EEFSEC: variants seen among roughly 807,000 people sequenced by gnomAD.
The protein encoded by EEFSEC is eukaryotic elongation factor, selenocysteine-tRNA specific.
EEFSEC carries 43 observed loss-of-function variants against 42.1 expected under a neutral mutation model. The ratio of observed to expected loss-of-function variants is 1.02; its 90% CI spans 0.80 to 1.32. The LOEUF (loss-of-function observed/expected upper bound fraction) is 1.32. EEFSEC is among the 40% of genes most tolerant of loss of function. The probability of loss-of-function intolerance (pLI) is 0.00; values close to 1 mark genes in which losing one functional copy is unlikely to be tolerated. For synonymous variants in EEFSEC, 354 were observed against 339.1 expected (o/e 1.04, Z -0.48); for missense variants, 745 against 803.6 (o/e 0.93, Z 0.88).
chr3:128,425,309 G>A, the EEFSEC span, among the ~76,000 whole-genome samples: 1 of 152,202 alleles, frequency 6.6e-6, no homozygotes, highest in Non-Finnish European at 1.5e-5. Context: ...TCCTGGCCTT[G>A]GGATTCATGC....
rs543259351 is a variant in EEFSEC at position 128,197,635 on chromosome 3, TC to T, written c.316+43815del. Among the ~76,000 whole-genome samples the T allele has an allele frequency of 3.3e-4, 50 of 152,254 alleles. No homozygotes were observed. The East Asian group carries it at 9.3e-3, about 28-fold the overall frequency. On this transcript the variant is annotated intron_variant, in intron 1 of 6. Coordinates refer to ENST00000254730, the MANE Select transcript of EEFSEC (RefSeq NM_021937.5). ...CTCAGAAGGCTGTACCAATCTACAC[TC>T]CCACCATTAACGGTACGAGAAGACC...
At chr3:128,379,823 GT>G (rs2067753035) in intron 6 of EEFSEC, among the ~76,000 whole-genome samples, 1 of 152,248 alleles carries the variant, frequency 6.6e-6, no homozygotes, top group South Asian at 2.1e-4. Flanking sequence ...CCCAGATGAG[GT>G]TGGGTCCCGT....
intron 1 of EEFSEC, among the ~76,000 whole-genome samples, chr3:128,184,580 A>G (rs1559859033): frequency 6.6e-6 from 1 of 152,200 alleles, no homozygotes; most frequent in South Asian, 2.1e-4. Flanking sequence ...GTATGTAAGT[A>G]TCTATCAGTA....
intron 6 of EEFSEC, among the ~76,000 whole-genome samples, chr3:128,389,783 G>A (rs2067886039): frequency 6.6e-6 from 1 of 152,248 alleles, no homozygotes; most frequent in Non-Finnish European, 1.5e-5. Flanking sequence ...AGAGTGATGT[G>A]GTGTGGACTG....
intron 4 of EEFSEC, 37 bp downstream of exon 4, chr3:128,264,818 C>A: frequency 6.3e-7 from 1 of 1,595,228 alleles, no homozygotes; most frequent in Non-Finnish European, 8.6e-7. Context: ...GGCCTCCTCG[C>A]TGGCAGCAAG....
chr3:128,318,977 C>G (rs2066978607), intron 4 of EEFSEC, among the ~76,000 whole-genome samples: 1 of 152,226 alleles, frequency 6.6e-6, no homozygotes, highest in African/African-American at 2.4e-5. Flanking sequence ...TGCCGGTGTT[C>G]AAGTCCTGGA....
intron 4 of EEFSEC, among the ~76,000 whole-genome samples, chr3:128,305,494 T>C (rs1365653547): frequency 6.6e-6 from 1 of 152,224 alleles, no homozygotes; most frequent in East Asian, 1.9e-4. Flanking sequence ...CTGAATTTGA[T>C]ACTTTTTGGG....
Position 128,175,127 on chromosome 3 carries a change from C to T in EEFSEC, c.316+21304C>T, listed in dbSNP as rs1261679942. Among the ~76,000 whole-genome samples the T allele has an allele frequency of 6.6e-5, 10 of 151,892 alleles. No homozygotes were observed. The East Asian group carries it at 1.9e-3, about 29-fold the overall frequency. On this transcript the variant is annotated intron_variant, in intron 1 of 6. Coordinates refer to ENST00000254730, the MANE Select transcript of EEFSEC (RefSeq NM_021937.5). Reference sequence around the variant, plus strand: ...CTCTGCTCTACTCCTCCTCCCTTCTCTTCCCACGCCTCCCCCCGCTCCTCC... The same window carrying T: ...CTCTGCTCTACTCCTCCTCCCTTCTTTTCCCACGCCTCCCCCCGCTCCTCC...
In EEFSEC at chr3:128,317,587, A is replaced by G. The variant is rs2066961113; in HGVS notation, c.787-23646A>G. 6.6e-6 allele frequency among the ~76,000 whole-genome samples: 1 copy of G among 152,000 alleles called. No individual in the cohort carries two copies. The highest frequency in any genetic ancestry group is 2.1e-4 in the South Asian group (1 of 4,818). ...CCGGGCTACCACTGGAGTCGTTCTGACCTTTGTACTTCATCACTCCTCACC... is the reference window on the plus strand; with the variant it reads ...CCGGGCTACCACTGGAGTCGTTCTGGCCTTTGTACTTCATCACTCCTCACC... On this transcript the variant is annotated intron_variant, in intron 4 of 6. Transcript: ENST00000254730. The surrounding 1 kb of genome is among the most constrained non-coding windows in gnomAD (Gnocchi z 4.1).
At chr3:128,277,047 T>C (rs1366969466) in intron 4 of EEFSEC, among the ~76,000 whole-genome samples, 1 of 152,190 alleles carries the variant, frequency 6.6e-6, no homozygotes, top group Non-Finnish European at 1.5e-5. Context: ...AGAGCGGCTC[T>C]GCCTGCCCCC....
intron 4 of EEFSEC, among the ~76,000 whole-genome samples, chr3:128,335,146 G>T (rs1447551612): frequency 2.6e-5 from 4 of 152,230 alleles, no homozygotes; most frequent in African/African-American, 9.6e-5. Context: ...CTTCCCACTT[G>T]CATTGAGGCC....
chr3:128,398,366 G>A (rs1447512165), intron 6 of EEFSEC, among the ~76,000 whole-genome samples: 1 of 152,230 alleles, frequency 6.6e-6, no homozygotes, highest in African/African-American at 2.4e-5. Context: ...CTGGGGCAGT[G>A]CTGAGATGGA....
chr3:128,217,605 G>A (rs1408092376), intron 1 of EEFSEC, among the ~76,000 whole-genome samples: 1 of 152,142 alleles, frequency 6.6e-6, no homozygotes, highest in Non-Finnish European at 1.5e-5. Context: ...CCTTCCCCAG[G>A]GCCTGCCTGA....
intron 1 of EEFSEC, among the ~76,000 whole-genome samples, chr3:128,157,050 G>A (rs1328694239): frequency 1.3e-5 from 2 of 152,206 alleles, no homozygotes; most frequent in African/African-American, 2.4e-5. Context: ...AATTAAAAGT[G>A]CTACTGTAGT....
chr3:128,392,660 C>T lies in EEFSEC; in HGVS notation c.1601-15409C>T, dbSNP rs187371775. Reference sequence around the variant, plus strand: ...GAGCCAAACAAGTGACAGGAGGCTGCCCCTCACGCCAAGCTCCCTTCCCAG... The same window carrying T: ...GAGCCAAACAAGTGACAGGAGGCTGTCCCTCACGCCAAGCTCCCTTCCCAG... On this transcript the variant is annotated intron_variant, in intron 6 of 6. Coordinates refer to ENST00000254730, the MANE Select transcript of EEFSEC (RefSeq NM_021937.5). Among the ~76,000 whole-genome samples the T allele has an allele frequency of 1.5e-3, 234 of 152,348 alleles. 2 individuals are homozygous for T. The highest frequency in any genetic ancestry group is 5.6e-3 in the African/African-American group (233 of 41,586).
chr3:128,326,983 G>A (rs1479406624), intron 4 of EEFSEC, among the ~76,000 whole-genome samples: 2 of 152,152 alleles, frequency 1.3e-5, no homozygotes, highest in African/African-American at 4.8e-5. Context: ...GTGAATGTGT[G>A]GCATCATATT....
intron 1 of EEFSEC, among the ~76,000 whole-genome samples, chr3:128,165,128 C>T (rs2065231207): frequency 6.6e-6 from 1 of 152,184 alleles, no homozygotes; most frequent in Non-Finnish European, 1.5e-5. Context: ...ACCCGTGGCT[C>T]TTGCTGCATC....
chr3:128,282,117 G>A (rs1169614452), intron 4 of EEFSEC, among the ~76,000 whole-genome samples: 2 of 152,248 alleles, frequency 1.3e-5, no homozygotes, highest in African/African-American at 4.8e-5. Context: ...GGGGCTACCT[G>A]GAGCAAGGGT....
chr3:128,380,579 T>TG (rs1211649315), intron 6 of EEFSEC, among the ~76,000 whole-genome samples: 3 of 152,232 alleles, frequency 2.0e-5, no homozygotes, highest in African/African-American at 4.8e-5. Context: ...CTGAGCAGCC[T>TG]GGAGGGTTCG....
Sources: allele counts gnomAD v4.1 joint callset (sites outside exome capture counted in the v4.1 genomes callset), GRCh38; gene constraint gnomAD v4.1.1; non-coding constraint Gnocchi (gnomAD v3.1); transcripts MANE v1.5; gene names NCBI Gene and HGNC (gene_info 2026-07-23, HGNC 2026-07-21).